Variants in CRACD observed in about 807,000 individuals in gnomAD.
CRACD encodes the protein capping protein-inhibiting regulator of actin dynamics.
In CRACD, 56 loss-of-function variants were observed where a neutral mutation model predicts 106.8. The ratio of observed to expected loss-of-function variants is 0.52; its 90% CI spans 0.42 to 0.66. The LOEUF is 0.66. Among genes scored for constraint, CRACD ranks in the 30% least tolerant of loss-of-function variants. The pLI is 0.00. For synonymous variants in CRACD, 754 were observed against 670.8 expected (o/e 1.12, Z -1.92); for missense variants, 1,730 against 1,623.2 (o/e 1.07, Z -1.13).
intron 4 of CRACD, chr4:56,301,098 A>C: frequency 1.9e-6 from 1 of 536,498 alleles, no homozygotes; most frequent in Non-Finnish European, 3.0e-6. Flanking sequence ...TTTTGAAAAC[A>C]TAAAAGGCTT....
chr4:56,245,121 A>T (rs1342313822), intron 2 of CRACD, among the ~76,000 whole-genome samples: 1 of 152,190 alleles, frequency 6.6e-6, no homozygotes, highest in Admixed American at 6.5e-5. Context: ...TGTTAATTCC[A>T]TCCTTGAAAT....
intron 1 of CRACD, among the ~76,000 whole-genome samples, chr4:56,084,899 A>G (rs753648883): frequency 3.9e-5 from 6 of 152,192 alleles, no homozygotes; most frequent in Non-Finnish European, 8.8e-5. Flanking sequence ...AGGTTAGGTG[A>G]TCGGATTGCA....
At chr4:56,118,255 A>T (rs1030021894) in intron 1 of CRACD, among the ~76,000 whole-genome samples, 1 of 77,698 alleles carries the variant, frequency 1.3e-5, no homozygotes, top group Non-Finnish European at 2.3e-5. Context: ...CTCATTTTGT[A>T]TATCCAAAGG....
rs1743010190 is a variant in CRACD, at chr4:56,281,035, G to A, written c.-17+8543G>A. On this transcript the variant is annotated intron_variant, in intron 3 of 10. Coordinates refer to ENST00000682029, the MANE Select transcript of CRACD (RefSeq NM_001393381.1). ...TAAGCAGGAAAATCAACAGAGCTGA[G>A]CTGAATATGTCTAGAGAAAAAGAAG... Among the ~76,000 whole-genome samples the A allele has an allele frequency of 2.0e-5, 3 of 152,298 alleles. No homozygotes were observed. The South Asian group carries it at 6.2e-4, about 32-fold the overall frequency.
Position 56,315,668 on chromosome 4 carries a change from G to T in CRACD, c.2166G>T (p.Met722Ile). ...CAGTCAATGCAAAGTTCTCTATTAT[G>T]CCTGCCTGGCAGAAATTTTCCGATG... ...TPPVNAKFSI[M>I]PAWQKFSDGG... is the part of the protein sequence containing the mutation. The change falls in exon 8 of 11, where the codon ATG (methionine) becomes ATT (isoleucine). Residue 722 changes from methionine (M) to isoleucine (I), a missense_variant. This residue lies in a region of CRACD where 1,620 missense variants were observed against 1,481.6 expected (regional missense o/e 1.09). Transcript: ENST00000682029. This position sits in a 1 kb window ranked among gnomAD's most constrained non-coding sequence, Gnocchi z 4.1. 6.2e-7 allele frequency: 1 copy of T among 1,614,226 alleles called. No homozygotes were observed. Among genetic ancestry groups the T allele is most frequent in the Non-Finnish European group, 8.5e-7 (1 of 1,180,046 alleles).
intron 1 of CRACD, among the ~76,000 whole-genome samples, chr4:56,100,546 G>A (rs1438259945): frequency 3.3e-5 from 5 of 152,286 alleles, no homozygotes; most frequent in African/African-American, 1.2e-4. Flanking sequence ...ACCAAAATTG[G>A]TATGTTGAAG....
At chr4:56,159,292 G>A (rs1462163267) in intron 1 of CRACD, among the ~76,000 whole-genome samples, 1 of 152,196 alleles carries the variant, frequency 6.6e-6, no homozygotes, top group East Asian at 1.9e-4. Flanking sequence ...GGTCTCTGTA[G>A]TCAGCTATAT....
At chr4:56,155,050 T>C (rs141587004) in intron 1 of CRACD, among the ~76,000 whole-genome samples, 2,546 of 150,482 alleles carry the variant, frequency 0.017, 30 homozygotes, top group Admixed American at 0.042. Context: ...ATCATCATCA[T>C]AGCAGCCCTT....
intron 1 of CRACD, among the ~76,000 whole-genome samples, chr4:56,066,782 A>G (rs749022209): frequency 1.4e-4 from 22 of 152,110 alleles, no homozygotes; most frequent in Non-Finnish European, 2.8e-4. Context: ...TCTCAGTTCT[A>G]TGCCCATGGA....
intron 2 of CRACD, among the ~76,000 whole-genome samples, chr4:56,185,660 A>G (rs976697059): frequency 6.6e-6 from 1 of 152,344 alleles, no homozygotes; most frequent in Admixed American, 6.5e-5. Flanking sequence ...TTCATGAGAC[A>G]GATAGCAGTT....
At chr4:56,155,337 A>G (rs1457192016) in intron 1 of CRACD, among the ~76,000 whole-genome samples, 7 of 152,200 alleles carry the variant, frequency 4.6e-5, no homozygotes, top group Admixed American at 2.6e-4. Context: ...GGCAAGTGAC[A>G]TGGCCAACCT....
At chr4:56,219,609 G>A (rs922703496) in intron 2 of CRACD, among the ~76,000 whole-genome samples, 1 of 152,142 alleles carries the variant, frequency 6.6e-6, no homozygotes, top group Non-Finnish European at 1.5e-5. Context: ...TGTTATTTCA[G>A]CCTCCCAAAG....
intron 1 of CRACD, among the ~76,000 whole-genome samples, chr4:56,121,393 T>C (rs1041097508): frequency 6.6e-6 from 1 of 152,206 alleles, no homozygotes; most frequent in African/African-American, 2.4e-5. Flanking sequence ...ATCACAATAC[T>C]GAGCCATCAT....
chr4:56,145,406 G>A (rs1735347605), intron 1 of CRACD, among the ~76,000 whole-genome samples: 1 of 151,884 alleles, frequency 6.6e-6, no homozygotes, highest in Non-Finnish European at 1.5e-5. Context: ...AAACTAATAT[G>A]CATTATGAGT....
intron 1 of CRACD, among the ~76,000 whole-genome samples, chr4:56,140,003 G>A (rs575904756): frequency 1.4e-4 from 22 of 152,072 alleles, no homozygotes; most frequent in Non-Finnish European, 3.1e-4. Flanking sequence ...GTATGTTTTC[G>A]CAAATTTTTT....
chr4:56,116,454 C>T (rs1314576000), intron 1 of CRACD, among the ~76,000 whole-genome samples: 1 of 152,090 alleles, frequency 6.6e-6, no homozygotes, highest in East Asian at 1.9e-4. Flanking sequence ...GATCCTTCTC[C>T]TTTCACTCTG....
At chr4:56,124,351 A>G (rs985979899) in intron 1 of CRACD, among the ~76,000 whole-genome samples, 2 of 152,202 alleles carry the variant, frequency 1.3e-5, no homozygotes, top group African/African-American at 4.8e-5. Flanking sequence ...GCATGTGACC[A>G]ATCTTGTTTC....
intron 1 of CRACD, among the ~76,000 whole-genome samples, chr4:56,156,596 C>G (rs1047614226): frequency 3.3e-5 from 5 of 152,174 alleles, no homozygotes; most frequent in Non-Finnish European, 7.4e-5. Flanking sequence ...CAACATTTTT[C>G]CTGACTTCTT....
intron 2 of CRACD, among the ~76,000 whole-genome samples, chr4:56,264,057 G>A (rs946628701): frequency 1.3e-5 from 2 of 152,306 alleles, no homozygotes; most frequent in African/African-American, 4.8e-5. Context: ...CATGGTGGAA[G>A]GCAAAGGGGA....
Sources: gnomAD v4.1 joint callset for allele counts (sites outside exome capture counted in the v4.1 genomes callset) on GRCh38, gnomAD v4.1.1 for gene constraint, gnomAD v4.1.1 regional missense constraint, Gnocchi (gnomAD v3.1) non-coding constraint, MANE v1.5 for transcripts, NCBI Gene and HGNC (gene_info 2026-07-23, HGNC 2026-07-21) for gene names.